CERT1: variants seen among roughly 807,000 people sequenced by gnomAD.
The protein encoded by CERT1 is ceramide transfer protein.
In CERT1, 31 loss-of-function variants were observed where a neutral mutation model predicts 87.9. The ratio of observed to expected loss-of-function variants is 0.35; its 90% CI spans 0.27 to 0.48. The LOEUF (loss-of-function observed/expected upper bound fraction) is 0.48. CERT1 is among the 20% of genes least tolerant of loss of function. CERT1 has a pLI of 0.99. For synonymous variants in CERT1, 289 were observed against 250.9 expected (o/e 1.15, Z -1.44); for missense variants, 487 against 758.0 (o/e 0.64, Z 4.20).
chr5:75,511,545 A>T lies in CERT1; in HGVS notation c.-338T>A. ...CAAATAGGGAAGGAAAAGGGAAAAG[A>T]AGGGAAGAGAAAATCCGGCCGCTGA... is the stretch of plus-strand genomic sequence containing the variant. On this transcript the variant is annotated 5_prime_UTR_variant, in exon 1 of 17. Coordinates refer to ENST00000643780, the MANE Select transcript of CERT1 (RefSeq NM_001379029.1). 6.9e-7 allele frequency: 1 copy of T among 1,458,488 alleles called. No individual in the cohort carries two copies. The highest frequency in any genetic ancestry group is 9.0e-7 in the Non-Finnish European group (1 of 1,107,850). 90.3% of individuals were successfully genotyped at this position (1,458,488 alleles called of 1,614,324 possible).
chr5:75,394,306 A>C (rs1762159330), intron 11 of CERT1, among the ~76,000 whole-genome samples: 1 of 152,062 alleles, frequency 6.6e-6, no homozygotes, highest in Non-Finnish European at 1.5e-5. Context: ...CTAGGGGTTC[A>C]AGACCAGCCT....
intron 15 of CERT1, 114 bp downstream of exon 15, chr5:75,381,835 A>G: frequency 1.0e-6 from 1 of 979,862 alleles, no homozygotes; most frequent in Non-Finnish European, 1.5e-6. Flanking sequence ...CATAAAATCT[A>G]AGAACCATTA....
chr5:75,500,700 A>C (rs1175705708), intron 2 of CERT1, among the ~76,000 whole-genome samples: 1 of 152,142 alleles, frequency 6.6e-6, no homozygotes, highest in Non-Finnish European at 1.5e-5. Context: ...AGTTCTCACT[A>C]ATACTGTTCA....
At chr5:75,503,391 C>T (rs951083264) in intron 2 of CERT1, among the ~76,000 whole-genome samples, 3 of 151,796 alleles carry the variant, frequency 2.0e-5, no homozygotes, top group African/African-American at 7.2e-5. Context: ...AAAAAAAATA[C>T]CAAGAGATGC....
chr5:75,449,648 C>T lies in CERT1; in HGVS notation c.348+9417G>A, dbSNP rs374866564. On this transcript the variant is annotated intron_variant, in intron 3 of 16. Transcript: ENST00000643780. ...AAGTGTGTGCACAATTTATAACTTA[C>T]ATCAGCAATGTATGAGATTACTTGT... Among the ~76,000 whole-genome samples the T allele has an allele frequency of 6.3e-4, 95 of 151,948 alleles. 1 individual carries two copies. The highest frequency in any genetic ancestry group is 3.4e-3 in the Middle Eastern group (1 of 292).
chr5:75,473,245 T>C (rs1004755950), intron 2 of CERT1, among the ~76,000 whole-genome samples: 7 of 152,092 alleles, frequency 4.6e-5, no homozygotes, highest in Admixed American at 1.3e-4. Context: ...CATGCCTAGC[T>C]CATTTTTTAA....
chr5:75,377,969 G>A lies in CERT1; in HGVS notation c.*1377C>T, dbSNP rs1025019782. 4.6e-5 allele frequency: 7 copies of A among 152,132 alleles called. No homozygotes were observed. Among genetic ancestry groups the A allele is most frequent in the African/African-American group, 1.7e-4 (7 of 41,416 alleles). 9.4% of individuals were successfully genotyped at this position (152,132 alleles called of 1,614,324 possible). On this transcript the variant is annotated 3_prime_UTR_variant, in exon 17 of 17. Coordinates refer to ENST00000643780, the MANE Select transcript of CERT1 (RefSeq NM_001379029.1). ...CGCCTAATTGTTTTTTGTCAAGATG[G>A]AATCTTGCTATGTTATCCAGGCTAG... is the stretch of plus-strand genomic sequence containing the variant.
chr5:75,474,937 A>G (rs577116840), intron 2 of CERT1, among the ~76,000 whole-genome samples: 1 of 151,812 alleles, frequency 6.6e-6, no homozygotes, highest in South Asian at 2.1e-4. Context: ...CTAATAGACT[A>G]CATGAGATTA....
intron 2 of CERT1, among the ~76,000 whole-genome samples, chr5:75,480,068 C>A (rs1249231347): frequency 2.0e-5 from 3 of 152,082 alleles, no homozygotes; most frequent in Non-Finnish European, 4.4e-5. Context: ...CAAGGAGATA[C>A]AGAAACTACA....
intron 3 of CERT1, among the ~76,000 whole-genome samples, chr5:75,446,515 T>C (rs1764543669): frequency 6.6e-6 from 1 of 152,226 alleles, no homozygotes; most frequent in African/African-American, 2.4e-5. Flanking sequence ...CAGTTCCTGT[T>C]GATCTACATT....
chr5:75,431,415 T>A (rs1763860829), intron 3 of CERT1, among the ~76,000 whole-genome samples: 1 of 152,190 alleles, frequency 6.6e-6, no homozygotes, highest in African/African-American at 2.4e-5. Flanking sequence ...CTTACTACAC[T>A]GAAGAGGTGG....
intron 4 of CERT1, among the ~76,000 whole-genome samples, 171 bp downstream of exon 4, chr5:75,426,200 C>T (rs1763610948): frequency 6.6e-6 from 1 of 152,104 alleles, no homozygotes; most frequent in African/African-American, 2.4e-5. Context: ...GACATGTGTT[C>T]ATCTATATGA....
In CERT1 at chr5:75,452,632, A is replaced by G. The variant is rs145697030; in HGVS notation, c.348+6433T>C. Among the ~76,000 whole-genome samples, 381 of 152,304 alleles carry G rather than the reference A, an allele frequency of 2.5e-3. 3 individuals are homozygous for G. Among genetic ancestry groups the G allele is most frequent in the Non-Finnish European group, 4.1e-3 (280 of 68,006 alleles). ...AATAGCATCAAAAGTGGTTTATTAT[A>G]TATCTTTGACAAATTATACAGAAAA... On this transcript the variant is annotated intron_variant, in intron 3 of 16. Transcript: ENST00000643780.
chr5:75,386,455 T>C (rs890055455), intron 12 of CERT1, among the ~76,000 whole-genome samples: 3 of 152,324 alleles, frequency 2.0e-5, no homozygotes, highest in East Asian at 1.9e-4. Context: ...TGAAACACAA[T>C]AGGCACTCAG....
chr5:75,490,499 ATTTAT>A (rs1441924734), intron 2 of CERT1, among the ~76,000 whole-genome samples: 1 of 147,396 alleles, frequency 6.8e-6, no homozygotes, highest in Non-Finnish European at 1.5e-5. Flanking sequence ...CGAAATTTTT[ATTTAT>A]TTATTTTTTT....
intron 13 of CERT1, among the ~76,000 whole-genome samples, chr5:75,385,491 T>C (rs1423796301): frequency 6.6e-6 from 1 of 152,002 alleles, no homozygotes; most frequent in African/African-American, 2.4e-5. Context: ...AAAATAATTC[T>C]AAAGTAATCA....
intron 7 of CERT1, among the ~76,000 whole-genome samples, chr5:75,416,095 T>G (rs1763123204): frequency 6.6e-6 from 1 of 152,148 alleles, no homozygotes; most frequent in Non-Finnish European, 1.5e-5. Context: ...TAACTCAGAA[T>G]GAATATGATT....
At chr5:75,422,753 G>T (rs1006858944) in intron 5 of CERT1, among the ~76,000 whole-genome samples, 3 of 152,130 alleles carry the variant, frequency 2.0e-5, no homozygotes, top group African/African-American at 7.2e-5. Context: ...TTAGAATATG[G>T]CTGTTATTTG....
intron 2 of CERT1, among the ~76,000 whole-genome samples, chr5:75,484,893 T>C (rs548236050): frequency 6.6e-6 from 1 of 152,270 alleles, no homozygotes; most frequent in South Asian, 2.1e-4. Flanking sequence ...TTACAGATCA[T>C]GTTATACAAC....
Sources: allele counts gnomAD v4.1 joint callset (sites outside exome capture counted in the v4.1 genomes callset), GRCh38; gene constraint gnomAD v4.1.1; transcripts MANE v1.5; gene names NCBI Gene and HGNC (gene_info 2026-07-23, HGNC 2026-07-21).